The following ASPM variants were observed in gnomAD, a reference collection of about 807,000 sequenced individuals.
ASPM encodes the protein abnormal spindle-like microcephaly-associated protein.
A neutral mutation model predicts 366.4 loss-of-function variants in ASPM; 256 were observed. That is an observed-to-expected ratio of 0.70 (90% CI 0.63 to 0.77). The LOEUF is 0.77. Ranked by LOEUF, ASPM falls within the 30% of genes least tolerant of loss-of-function variation. The pLI, the probability that ASPM is intolerant of heterozygous loss-of-function variation, is 0.00. For missense variants in ASPM, 4,146 were observed against 4,090.4 expected (o/e 1.01, Z -0.37); for synonymous variants, 1,414 against 1,342.9 (o/e 1.05, Z -1.16).
At chr1:197,084,643 G>C (rs1261605914) in intron 27 of ASPM, among the ~76,000 whole-genome samples, 2 of 152,088 alleles carry the variant, frequency 1.3e-5, no homozygotes, top group Non-Finnish European at 2.9e-5. Flanking sequence ...CTTCTTTGAA[G>C]CTTATGCTAT....
rs1250979029 is a variant in ASPM, at chr1:197,142,710, T to C, written c.1542A>G (p.Lys514=). The change falls in exon 3 of 28, where the codon AAA becomes AAG. Residue 514 remains lysine (K), a synonymous_variant. Transcript: ENST00000367409. ...CTRENQTEIN[K]PKAKRCLNSA... ...TGTTGAGACATCTTTTTGCTTTTGG[T>C]TTATTAATCTCAGTTTGGTTTTCTC... 4 of 1,614,000 alleles carry C rather than the reference T, an allele frequency of 2.5e-6. No homozygotes were observed. The highest frequency in any genetic ancestry group is 3.4e-6 in the Non-Finnish European group (4 of 1,179,866).
rs772375922 is a variant in ASPM, at chr1:197,105,129, T to C, written c.4122A>G (p.Ser1374=). 4.4e-6 allele frequency: 7 copies of C among 1,608,870 alleles called. No individual in the cohort carries two copies. The highest frequency in any genetic ancestry group is 6.0e-6 in the Non-Finnish European group (7 of 1,176,166). Reference sequence around the variant, plus strand: ...TTCTTATCCTAGATTGCAGGATGATTGAATAATATTTCAATTTCAGAAATC... The same window carrying C: ...TTCTTATCCTAGATTGCAGGATGATCGAATAATATTTCAATTTCAGAAATC... The part of the protein sequence containing the change: ...RQRFLKLKYY[S]IILQSRIRMI... Residue 1374 remains serine, a synonymous_variant, in exon 18 of 28, where the codon TCA becomes TCG. Transcript: ENST00000367409.
rs923491109 is a variant in ASPM, at chr1:197,122,175, G to C, written c.3725C>G (p.Thr1242Arg). 1.9e-6 allele frequency: 3 copies of C among 1,610,948 alleles called. No homozygotes were observed. Among genetic ancestry groups the C allele is most frequent in the African/African-American group, 1.3e-5 (1 of 74,972 alleles). Reference protein sequence around the residue: ...AMINHSDMSNTIPDEKVVITY... With the variant: ...AMINHSDMSNRIPDEKVVITY... ...TTTACTTACCTTTTCATCTGGAATT[G>C]TATTTGACATATCTGAATGATTAAT... Residue 1242 changes from threonine (T) to arginine (R), a missense_variant, in exon 15 of 28, where the codon ACA (threonine) becomes AGA (arginine). Coordinates refer to ENST00000367409, the MANE Select transcript of ASPM (RefSeq NM_018136.5).
Position 197,103,824 on chromosome 1 carries a change from T to C in ASPM, c.5427A>G (p.Gln1809=), listed in dbSNP as rs770236754. ...LQVKKAATCL[Q]AAYRGYKVRQ... ...GTACTTTATAACCTCTGTAAGCTGCTTGCAAGCAAGTAGCTGCTTTTTTGA... is the reference window on the plus strand; with the variant it reads ...GTACTTTATAACCTCTGTAAGCTGCCTGCAAGCAAGTAGCTGCTTTTTTGA... Residue 1809 remains glutamine, a synonymous_variant, in exon 18 of 28, where the codon CAA becomes CAG. Transcript: ENST00000367409. The C allele has an allele frequency of 1.8e-5, 29 of 1,613,016 alleles. No individual in the cohort carries two copies. The highest frequency in any genetic ancestry group is 2.5e-5 in the Non-Finnish European group (29 of 1,179,388).
chr1:197,138,846 C>T, intron 4 of ASPM: 2 of 851,052 alleles, frequency 2.4e-6, no homozygotes, highest in South Asian at 1.3e-5. Flanking sequence ...TATTATTTCT[C>T]CTTCCAGTTG....
At position 197,084,435 on chromosome 1, in the gene ASPM, A is replaced by C. The variant is rs1263060276; in HGVS notation, c.10332-9T>G. On this transcript the variant is annotated splice_polypyrimidine_tract_variant and intron_variant, in intron 27 of 27. Transcript: ENST00000367409. ...CCCAATCTGGCTTAAGTCTGTTAAA[A>C]AAAAAAAAAAAGTCTGGCATTAATA... 1 of 1,583,934 alleles carries C rather than the reference A, an allele frequency of 6.3e-7. No homozygotes were observed. The highest frequency in any genetic ancestry group is 8.6e-7 in the Non-Finnish European group (1 of 1,156,920).
intron 16 of ASPM, 93 bp downstream of exon 16, chr1:197,121,822 C>T (rs1657910533): frequency 2.1e-6 from 3 of 1,425,570 alleles, no homozygotes; most frequent in Non-Finnish European, 2.9e-6. Flanking sequence ...TAATGCCATA[C>T]ATCCATAAAA....
chr1:197,103,841 C>T lies in ASPM; in HGVS notation c.5410G>A (p.Ala1804Thr). 1 of 1,612,932 alleles carries T rather than the reference C, an allele frequency of 6.2e-7. No individual in the cohort carries two copies. Among genetic ancestry groups the T allele is most frequent in the Non-Finnish European group, 8.5e-7 (1 of 1,179,368 alleles). ...TAAGCTGCTTGCAAGCAAGTAGCTG[C>T]TTTTTTGACTTGCAAGAAGTTCTTC... ...QRKNFLQVKK[A>T]ATCLQAAYRG... Residue 1804 changes from alanine (A) to threonine (T), a missense_variant, in exon 18 of 28, where the codon GCA becomes ACA. Physicochemically the swap from Ala to Thr is moderately conservative, Grantham distance 58. Around this residue, in one of 3 missense-constraint regions of ASPM, gnomAD observed 3,624 missense variants for 3,591.7 expected, o/e 1.01. Transcript: ENST00000367409.
intron 26 of ASPM, among the ~76,000 whole-genome samples, chr1:197,087,513 C>A (rs1353538047): frequency 1.3e-5 from 2 of 152,114 alleles, no homozygotes; most frequent in African/African-American, 4.8e-5. Flanking sequence ...TAACTCCACA[C>A]TGAATATAAG....
At chr1:197,106,811 T>A (rs993768226) in intron 17 of ASPM, among the ~76,000 whole-genome samples, 18 of 152,090 alleles carry the variant, frequency 1.2e-4, no homozygotes, top group African/African-American at 4.3e-4. Context: ...AACACTAATG[T>A]TACAAAACTT....
chr1:197,115,548 T>C (rs985399064), intron 17 of ASPM, among the ~76,000 whole-genome samples: 4 of 152,152 alleles, frequency 2.6e-5, no homozygotes, highest in Non-Finnish European at 5.9e-5. Context: ...ATATATTGCA[T>C]CCATAGCCTT....
chr1:197,098,502 G>T (rs932265771), intron 18 of ASPM, among the ~76,000 whole-genome samples: 1 of 151,458 alleles, frequency 6.6e-6, no homozygotes, highest in Admixed American at 6.6e-5. Context: ...TGTTATTTTG[G>T]CTATTTAATC....
intron 7 of ASPM, among the ~76,000 whole-genome samples, chr1:197,131,740 T>C (rs1013293777): frequency 6.6e-6 from 1 of 151,868 alleles, no homozygotes; most frequent in Non-Finnish European, 1.5e-5. Context: ...TTTGTATTTT[T>C]AGTAGAGATA....
Position 197,103,617 on chromosome 1 carries a change from C to A in ASPM, c.5634G>T (p.Val1878=). The A allele has an allele frequency of 6.2e-7, 1 of 1,612,862 alleles. No homozygotes were observed. The highest frequency in any genetic ancestry group is 8.5e-7 in the Non-Finnish European group (1 of 1,179,400). The change falls in exon 18 of 28, where the codon GTG becomes GTT. Residue 1878 remains valine, a synonymous_variant. Coordinates refer to ENST00000367409, the MANE Select transcript of ASPM (RefSeq NM_018136.5). ...RTHFLKTKAA[V]ISLQSAYRGW... The stretch of plus-strand genomic sequence containing the variant: ...CACGATAAGCAGACTGGAGGGAAAT[C>A]ACAGCTGCCTTTGTCTTCAAAAAAT...
intron 23 of ASPM, 66 bp from the exon 24 acceptor site, chr1:197,090,454 G>A: frequency 8.2e-7 from 1 of 1,219,194 alleles, no homozygotes; most frequent in Non-Finnish European, 1.2e-6. Context: ...ATCTACATCT[G>A]TTTTCACAAT....
At chr1:197,118,637 T>C (rs188921287) in intron 16 of ASPM, among the ~76,000 whole-genome samples, 1 of 152,278 alleles carries the variant, frequency 6.6e-6, no homozygotes, top group African/African-American at 2.4e-5. Flanking sequence ...AATAACATAT[T>C]CTATGTCCAG....
Position 197,090,991 on chromosome 1 carries a change from A to G in ASPM, c.9495T>C (p.His3165=). 5.0e-6 allele frequency: 8 copies of G among 1,612,584 alleles called. No individual in the cohort carries two copies. The highest frequency in any genetic ancestry group is 6.8e-6 in the Non-Finnish European group (8 of 1,178,992). The change falls in exon 23 of 28, where the codon CAT becomes CAC. Residue 3165 remains histidine, a synonymous_variant. Coordinates refer to ENST00000367409, the MANE Select transcript of ASPM (RefSeq NM_018136.5). The part of the protein sequence containing the change: ...LQEKRFIQKY[H]SIKKIEHEGQ... The stretch of plus-strand genomic sequence containing the variant: ...CTTCATGCTCAATCTTTTTGATGCT[A>G]TGATATTTCTGAATAAATCTCTTTT...
intron 23 of ASPM, 76 bp downstream of exon 23, chr1:197,090,774 T>A: frequency 7.3e-7 from 1 of 1,376,204 alleles, no homozygotes; most frequent in Non-Finnish European, 1.0e-6. Flanking sequence ...GGTAACTATG[T>A]TTTTATAGTG....
intron 12 of ASPM, 94 bp from the exon 13 acceptor site, chr1:197,124,425 A>T (rs1658020647): frequency 1.1e-6 from 1 of 924,588 alleles, no homozygotes; most frequent in Non-Finnish European, 1.7e-6. Flanking sequence ...CTATTTAGAG[A>T]AACTGTAGAT....
Sources: allele counts gnomAD v4.1 joint callset (sites outside exome capture counted in the v4.1 genomes callset), GRCh38; gene constraint gnomAD v4.1.1; regional missense constraint gnomAD v4.1.1; transcripts MANE v1.5; gene names NCBI Gene and HGNC (gene_info 2026-07-23, HGNC 2026-07-21).